Variants in JPH3 observed in about 807,000 individuals in gnomAD.
JPH3 encodes junctophilin 3.
JPH3 carries 11 observed loss-of-function variants against 59.6 expected under a neutral mutation model. The observed-to-expected ratio is 0.18, with a 90% CI of 0.12 to 0.31. The LOEUF (loss-of-function observed/expected upper bound fraction) is 0.31, where lower values mean the gene tolerates loss of function less well. Ranked by LOEUF, JPH3 falls within the 10% of genes least tolerant of loss-of-function variation. The pLI, the probability that JPH3 is intolerant of heterozygous loss-of-function variation, is 1.00. For synonymous variants in JPH3, 673 were observed against 483.6 expected (o/e 1.39, Z -5.14); for missense variants, 1,202 against 1,105.7 (o/e 1.09, Z -1.24).
chr16:87,632,436 T>C (rs1027976240), intron 1 of JPH3, among the ~76,000 whole-genome samples: 2 of 152,238 alleles, frequency 1.3e-5, no homozygotes, highest in Admixed American at 1.3e-4. Flanking sequence ...TGGCTTTTTA[T>C]CCTTTTTCTT....
At chr16:87,664,486 G>C (rs747649536) in intron 2 of JPH3, among the ~76,000 whole-genome samples, 5 of 151,982 alleles carry the variant, frequency 3.3e-5, no homozygotes, top group African/African-American at 1.2e-4. Context: ...TTAGCCGGGC[G>C]TGGTGGCATG....
At chr16:87,603,721 C>G (rs1349347320) in intron 1 of JPH3, among the ~76,000 whole-genome samples, 193 bp downstream of exon 1, 1 of 152,214 alleles carries the variant, frequency 6.6e-6, no homozygotes, top group Non-Finnish European at 1.5e-5. Flanking sequence ...GGGGACAGTG[C>G]CCCTGTGCCA....
intron 1 of JPH3, among the ~76,000 whole-genome samples, chr16:87,631,002 A>C (rs1214099505): frequency 2.0e-5 from 3 of 152,256 alleles, no homozygotes; most frequent in African/African-American, 7.2e-5. Context: ...AACTTGAGTT[A>C]GTAATTGTCT....
At chr16:87,662,599 C>T (rs920449741) in intron 2 of JPH3, among the ~76,000 whole-genome samples, 4 of 152,200 alleles carry the variant, frequency 2.6e-5, no homozygotes, top group Admixed American at 1.3e-4. Context: ...GCCCTCCTTT[C>T]CTGGCCCCCT....
intron 1 of JPH3, among the ~76,000 whole-genome samples, chr16:87,617,839 G>A (rs116024064): frequency 3.0e-4 from 46 of 152,278 alleles, no homozygotes; most frequent in African/African-American, 1.1e-3. Context: ...AAGGGGCGGG[G>A]CATCTCCCAC....
At chr16:87,694,601 T>G (rs1212483022) in intron 4 of JPH3, 1 of 152,394 alleles carries the variant, frequency 6.6e-6, no homozygotes, top group Non-Finnish European at 1.5e-5. Flanking sequence ...ATAGCTCCCA[T>G]GGTGCGGCCC....
rs1258135925 is a variant in JPH3, at chr16:87,677,217, CACACACACAAAAAAAA to C, written c.1161-6923_1161-6908del. Among the ~76,000 whole-genome samples the C allele has an allele frequency of 2.8e-4, 34 of 122,450 alleles. 1 individual carries two copies. Among genetic ancestry groups the C allele is most frequent in the South Asian group, 8.5e-4 (3 of 3,548 alleles). The allele number at this position is 122,450 out of a possible 152,430, so 80.3% of individuals were successfully genotyped here. On this transcript the variant is annotated intron_variant, in intron 2 of 4. Coordinates refer to ENST00000284262, the MANE Select transcript of JPH3 (RefSeq NM_020655.4). ...ACACACACACACACACACACACACA[CACACACACAAAAAAAA>C]AAATTAGCCGGGTGTGGTGGGCGCC... is the stretch of plus-strand genomic sequence containing the variant.
intron 1 of JPH3, among the ~76,000 whole-genome samples, chr16:87,632,326 G>C (rs978457755): frequency 6.6e-6 from 1 of 152,174 alleles, no homozygotes; most frequent in African/African-American, 2.4e-5. Flanking sequence ...CTGCCTGGTG[G>C]GCTTGTCTGA....
intron 2 of JPH3, among the ~76,000 whole-genome samples, chr16:87,677,227 A>T (rs4989520): frequency 4.0e-5 from 4 of 99,118 alleles, no homozygotes; most frequent in East Asian, 6.5e-4. Context: ...CACACACACA[A>T]AAAAAAAAAT....
intron 2 of JPH3, among the ~76,000 whole-genome samples, chr16:87,683,498 G>A (rs1403871770): frequency 6.6e-6 from 1 of 152,052 alleles, no homozygotes; most frequent in East Asian, 1.9e-4. Flanking sequence ...TAGAGACGGA[G>A]TTTCACCATG....
intron 1 of JPH3, among the ~76,000 whole-genome samples, chr16:87,640,465 A>T (rs1205695818): frequency 6.6e-6 from 1 of 151,626 alleles, no homozygotes; most frequent in East Asian, 2.0e-4. Context: ...ATCTGTGCTC[A>T]CTGTAACCTC....
chr16:87,641,164 C>T (rs1313564684), intron 1 of JPH3, among the ~76,000 whole-genome samples: 1 of 152,230 alleles, frequency 6.6e-6, no homozygotes. Context: ...CTGAGGCTGA[C>T]ACTCTGGAAA....
In JPH3 at chr16:87,684,205, G is replaced by A. The variant is rs1480902036; in HGVS notation, c.1224G>A (p.Glu408=). 6.2e-7 allele frequency: 1 copy of A among 1,614,006 alleles called. No individual in the cohort carries two copies. Among genetic ancestry groups the A allele is most frequent in the Admixed American group, 1.7e-5 (1 of 60,030 alleles). ...ALTAAQKAQE[E]ARIARITAKE... Reference sequence around the variant, plus strand: ...CAGCAGCTCAGAAAGCCCAGGAGGAGGCGCGGATCGCCAGGATCACTGCCA... The same window carrying A: ...CAGCAGCTCAGAAAGCCCAGGAGGAAGCGCGGATCGCCAGGATCACTGCCA... The change falls in exon 3 of 5, where the codon GAG becomes GAA. Residue 408 remains glutamate (E), a synonymous_variant. Coordinates refer to ENST00000284262, the MANE Select transcript of JPH3 (RefSeq NM_020655.4).
At chr16:87,635,539 A>T (rs1418622395) in intron 1 of JPH3, among the ~76,000 whole-genome samples, 1 of 152,130 alleles carries the variant, frequency 6.6e-6, no homozygotes, top group Non-Finnish European at 1.5e-5. Context: ...CCAGGCGCTG[A>T]GTGACTGTCC....
rs547426930 is a variant in JPH3 at position 87,691,369 on chromosome 16, C to T, written c.2166+843C>T. 2.4e-4 allele frequency among the ~76,000 whole-genome samples: 37 copies of T among 152,356 alleles called. No individual in the cohort carries two copies. The South Asian group carries it at 6.4e-3, about 26-fold the overall frequency. ...TCTGCGCACGGCCAGGCCCTCACCC[C>T]AGCAGGGCTCTGCTCGCTCGTGGCT... On this transcript the variant is annotated intron_variant, in intron 4 of 4. Coordinates refer to ENST00000284262, the MANE Select transcript of JPH3 (RefSeq NM_020655.4).
At chr16:87,676,783 C>G (rs567364518) in intron 2 of JPH3, among the ~76,000 whole-genome samples, 1 of 151,028 alleles carries the variant, frequency 6.6e-6, no homozygotes, top group African/African-American at 2.5e-5. Context: ...CACCTGTAAT[C>G]TCAGCACTTT....
chr16:87,687,389 G>A (rs1482692118), intron 3 of JPH3, among the ~76,000 whole-genome samples: 1 of 152,218 alleles, frequency 6.6e-6, no homozygotes, highest in Non-Finnish European at 1.5e-5. Context: ...CAGCGCTTCG[G>A]CTGCAGAGAG....
At chr16:87,610,056 T>TA (rs2030675288) in intron 1 of JPH3, among the ~76,000 whole-genome samples, 1 of 152,168 alleles carries the variant, frequency 6.6e-6, no homozygotes, top group South Asian at 2.1e-4. Context: ...TAGATTATCA[T>TA]AAGGAGTGTG....
intron 2 of JPH3, among the ~76,000 whole-genome samples, chr16:87,646,443 A>T (rs1484310769): frequency 6.6e-6 from 1 of 152,214 alleles, no homozygotes; most frequent in East Asian, 1.9e-4. Context: ...GCAGGGAAAT[A>T]AACAGCAGCC....
Sources: allele counts gnomAD v4.1 joint callset (sites outside exome capture counted in the v4.1 genomes callset), GRCh38; gene constraint gnomAD v4.1.1; transcripts MANE v1.5; gene names NCBI Gene and HGNC (gene_info 2026-07-23, HGNC 2026-07-21).